HELQ: variants seen among roughly 807,000 people sequenced by gnomAD.
The protein encoded by HELQ is helicase POLQ-like.
In HELQ, 77 loss-of-function variants were observed where a neutral mutation model predicts 111.6. The observed-to-expected ratio is 0.69, with a 90% CI of 0.57 to 0.83. The LOEUF is 0.83. HELQ is among the 40% of genes least tolerant of loss of function. The probability of loss-of-function intolerance (pLI) is 0.00; values close to 1 mark genes in which losing one functional copy is unlikely to be tolerated. For synonymous variants in HELQ, 438 were observed against 454.7 expected (o/e 0.96, Z 0.47); for missense variants, 1,200 against 1,288.5 (o/e 0.93, Z 1.05).
intron 16 of HELQ, among the ~76,000 whole-genome samples, chr4:83,417,649 TAGAA>T (rs1212510924): frequency 6.6e-6 from 1 of 152,152 alleles, no homozygotes; most frequent in Admixed American, 6.5e-5. Flanking sequence ...TGGCTGAAAA[TAGAA>T]AGCTGGAAAA....
At chr4:83,421,463 A>T (rs948407484) in intron 15 of HELQ, 100 bp downstream of exon 15, 1 of 804,556 alleles carries the variant, frequency 1.2e-6, no homozygotes, top group Non-Finnish European at 2.0e-6. Context: ...TATGTCAACA[A>T]GGAGAAAATG....
intron 15 of HELQ, among the ~76,000 whole-genome samples, chr4:83,419,936 T>C (rs552254964): frequency 2.0e-5 from 3 of 152,254 alleles, no homozygotes; most frequent in South Asian, 2.1e-4. Context: ...TAGAATTAAT[T>C]GCCATATACA....
intron 3 of HELQ, among the ~76,000 whole-genome samples, chr4:83,447,950 C>T (rs1721139181): frequency 1.3e-5 from 2 of 152,022 alleles, no homozygotes; most frequent in Non-Finnish European, 1.5e-5. Context: ...TGGCTCACAC[C>T]TGTAATCCCA....
At chr4:83,416,379 C>T (rs1411009579) in intron 17 of HELQ, among the ~76,000 whole-genome samples, 1 of 151,866 alleles carries the variant, frequency 6.6e-6, no homozygotes, top group Non-Finnish European at 1.5e-5. Context: ...ACCACCACAC[C>T]CAGTTAGTTT....
chr4:83,443,865 T>C (rs529020128), intron 5 of HELQ, among the ~76,000 whole-genome samples: 1 of 151,876 alleles, frequency 6.6e-6, no homozygotes, highest in South Asian at 2.1e-4. Flanking sequence ...GGCAACATAG[T>C]AAGACCTCAT....
At chr4:83,411,593 G>A (rs1482057888) in intron 17 of HELQ, among the ~76,000 whole-genome samples, 1 of 150,286 alleles carries the variant, frequency 6.7e-6, no homozygotes, top group African/African-American at 2.5e-5. Context: ...GACAGAGTCA[G>A]ACCCTGTCTC....
At position 83,432,285 on chromosome 4, in the gene HELQ, A is replaced by C; in HGVS notation, c.2049-18T>G. On this transcript the variant is annotated intron_variant, in intron 9 of 17. Transcript: ENST00000295488. ...AAATAACTCTGTGGAATTAATGAAA[A>C]ATGATACTCTACAGCAAACAGCACC... The C allele has an allele frequency of 6.6e-7, 1 of 1,526,210 alleles. No individual in the cohort carries two copies. Among genetic ancestry groups the C allele is most frequent in the Non-Finnish European group, 8.8e-7 (1 of 1,138,186 alleles). The allele number at this position is 1,526,210 out of a possible 1,614,324, so 94.5% of individuals were successfully genotyped here.
rs1721028234 is a variant in HELQ at position 83,446,038 on chromosome 4, G to C, written c.1441C>G (p.Leu481Val). ...CTGCTAGTGTAGAGGATTTTTGCTA[G>C]GGTCATTTCCAGTGTAGCTCCACGG... ...GSRGATLEMT[L>V]AKILYTSKTT... is the part of the protein sequence containing the mutation. The change falls in exon 5 of 18, where the codon CTA (leucine) becomes GTA (valine). Residue 481 changes from leucine to valine, a missense_variant. Transcript: ENST00000295488. 1 of 1,612,622 alleles carries C rather than the reference G, an allele frequency of 6.2e-7. No homozygotes were observed. The highest frequency in any genetic ancestry group is 8.5e-7 in the Non-Finnish European group (1 of 1,178,950).
intron 15 of HELQ, among the ~76,000 whole-genome samples, chr4:83,419,097 C>T (rs1021267519): frequency 7.3e-5 from 11 of 151,576 alleles, no homozygotes; most frequent in Non-Finnish European, 1.2e-4. Context: ...AGGCCACATG[C>T]GGCCCAGGAT....
At chr4:83,454,056 T>C (rs1721571872) in intron 1 of HELQ, 111 bp from the exon 2 acceptor site, 2 of 700,810 alleles carry the variant, frequency 2.9e-6, no homozygotes, top group Non-Finnish European at 4.9e-6. Flanking sequence ...ATACAAAAAT[T>C]AGCCGGGCAT....
chr4:83,450,400 TA>T (rs537162794), intron 2 of HELQ, among the ~76,000 whole-genome samples: 47 of 151,660 alleles, frequency 3.1e-4, no homozygotes, highest in African/African-American at 1.1e-3. Context: ...GAATGACAGT[TA>T]CAAGTAACTT....
At chr4:83,446,687 T>C (rs62303758) in intron 4 of HELQ, 148 bp downstream of exon 4, 12,848 of 550,560 alleles carry the variant, frequency 0.023, 235 homozygotes, top group Middle Eastern at 0.032. Context: ...TTATCAAGCA[T>C]AGAATGTCTT....
At chr4:83,419,036 T>C (rs1560541267) in intron 15 of HELQ, among the ~76,000 whole-genome samples, 1 of 152,188 alleles carries the variant, frequency 6.6e-6, no homozygotes, top group Non-Finnish European at 1.5e-5. Context: ...CATTTATAAC[T>C]TTTTAAAATA....
At chr4:83,441,656 T>C (rs747201534) in intron 6 of HELQ, among the ~76,000 whole-genome samples, 11 of 152,166 alleles carry the variant, frequency 7.2e-5, no homozygotes, top group Non-Finnish European at 1.0e-4. Flanking sequence ...GTAAACATCA[T>C]ATCCAAAAAA....
intron 2 of HELQ, 78 bp from the exon 3 acceptor site, chr4:83,449,039 C>A: frequency 9.8e-7 from 1 of 1,022,380 alleles, no homozygotes; most frequent in South Asian, 1.7e-5. Context: ...GAAAAAAAAT[C>A]AAATCCCTTC....
intron 1 of HELQ, among the ~76,000 whole-genome samples, chr4:83,454,624 T>C (rs575629270): frequency 2.6e-4 from 40 of 151,722 alleles, no homozygotes; most frequent in African/African-American, 8.9e-4. Context: ...TGGGTCTCTG[T>C]TGCCTAGGCT....
chr4:83,441,215 C>G, intron 7 of HELQ, 90 bp downstream of exon 7: 1 of 710,738 alleles, frequency 1.4e-6, no homozygotes, highest in Non-Finnish European at 2.4e-6. Flanking sequence ...TCTGAAAAAT[C>G]TAGACTATTC....
chr4:83,407,771 G>A (rs903907309), intron 17 of HELQ, among the ~76,000 whole-genome samples: 34 of 152,254 alleles, frequency 2.2e-4, no homozygotes, highest in African/African-American at 6.0e-4. Context: ...GCTGATCACT[G>A]CCTTTTAGTA....
chr4:83,453,388 A>G lies in HELQ; in HGVS notation c.855T>C (p.Ser285=). Residue 285 remains serine (S), a synonymous_variant, in exon 2 of 18, where the codon TCT becomes TCC. Transcript: ENST00000295488. ...GAGTGTCTTTGAGCTGTTTACTTCT[A>G]GAAAATATTGGTGTCTGGGCCTTCG... is the stretch of plus-strand genomic sequence containing the variant. ...GNAKAQTPIF[S]RSKQLKDTLL... is the part of the protein sequence containing the mutation. The G allele has an allele frequency of 1.9e-6, 3 of 1,606,494 alleles. No individual in the cohort carries two copies. Among genetic ancestry groups the G allele is most frequent in the Non-Finnish European group, 2.5e-6 (3 of 1,178,238 alleles).
Sources: gnomAD v4.1 joint callset for allele counts (sites outside exome capture counted in the v4.1 genomes callset) on GRCh38, gnomAD v4.1.1 for gene constraint, MANE v1.5 for transcripts, NCBI Gene and HGNC (gene_info 2026-07-23, HGNC 2026-07-21) for gene names.